The following MYO3A variants were observed in gnomAD, a reference collection of about 807,000 sequenced individuals.
MYO3A encodes myosin-IIIa.
Under a neutral mutation model 192.7 loss-of-function variants are expected in MYO3A, and 180 were observed. That is an observed-to-expected ratio of 0.93 (90% CI 0.83 to 1.06). The LOEUF is 1.06. Among genes scored for constraint, MYO3A ranks in the 50% least tolerant of loss-of-function variants. The probability of loss-of-function intolerance (pLI) is 0.00; values close to 1 mark genes in which losing one functional copy is unlikely to be tolerated. For missense variants in MYO3A, 1,896 were observed against 1,905.0 expected (o/e 1.00, Z 0.09); for synonymous variants, 628 against 645.3 (o/e 0.97, Z 0.41).
intron 6 of MYO3A, among the ~76,000 whole-genome samples, chr10:26,015,531 G>C (rs1387869769): frequency 6.6e-6 from 1 of 152,114 alleles, no homozygotes; most frequent in Non-Finnish European, 1.5e-5. Flanking sequence ...TTTGTCCTCA[G>C]AAGAGTGACT....
At chr10:26,056,831 C>T (rs981111298) in intron 10 of MYO3A, among the ~76,000 whole-genome samples, 4 of 152,138 alleles carry the variant, frequency 2.6e-5, no homozygotes, top group Non-Finnish European at 5.9e-5. Context: ...ACTACATCAC[C>T]AAATTATATC....
At chr10:25,996,380 T>G in intron 4 of MYO3A, 110 bp from the exon 5 acceptor site, 1 of 823,848 alleles carries the variant, frequency 1.2e-6, no homozygotes, top group South Asian at 1.5e-5. Flanking sequence ...GCATTAATCA[T>G]TTGAAAGAGA....
At chr10:25,957,825 T>C (rs1350693277) in intron 4 of MYO3A, among the ~76,000 whole-genome samples, 1 of 152,182 alleles carries the variant, frequency 6.6e-6, no homozygotes, top group Non-Finnish European at 1.5e-5. Context: ...GTTTTGATTT[T>C]CATATCTCTA....
At chr10:26,007,906 A>C (rs987649792) in intron 6 of MYO3A, among the ~76,000 whole-genome samples, 1 of 152,118 alleles carries the variant, frequency 6.6e-6, no homozygotes, top group South Asian at 2.1e-4. Context: ...TGGCACCAAA[A>C]AAGAGCCTGC....
At chr10:26,083,539 G>A (rs1221226331) in intron 14 of MYO3A, among the ~76,000 whole-genome samples, 1 of 152,150 alleles carries the variant, frequency 6.6e-6, no homozygotes, top group Non-Finnish European at 1.5e-5. Context: ...TTGAATGGAA[G>A]TGAAGAGAGT....
rs765720091 is a variant in MYO3A, at chr10:26,067,055, C to A, written c.1034C>A (p.Thr345Asn). 2 of 1,610,646 alleles carry A rather than the reference C, an allele frequency of 1.2e-6. No homozygotes were observed. Among genetic ancestry groups the A allele is most frequent in the Non-Finnish European group, 1.7e-6 (2 of 1,176,972 alleles). Reference protein sequence around the residue: ...SNLKDVDDLATLEILDENTVS... With the variant: ...SNLKDVDDLANLEILDENTVS... ...CTGAAGGATGTAGATGATTTAGCAA[C>A]CCTAGAAATTTTGGATGAGGTAAGA... The change falls in exon 11 of 35, where the codon ACC becomes AAC. Residue 345 changes from threonine (T) to asparagine (N), a missense_variant. By Grantham distance (65) the Thr-to-Asn change is moderately conservative (BLOSUM62 0). Transcript: ENST00000642920.
intron 20 of MYO3A, among the ~76,000 whole-genome samples, chr10:26,130,741 A>G (rs1437137895): frequency 6.6e-6 from 1 of 152,246 alleles, no homozygotes; most frequent in Non-Finnish European, 1.5e-5. Context: ...TGTGTTATCC[A>G]GAAGATACAG....
At chr10:25,964,575 A>G (rs1261993908) in intron 4 of MYO3A, among the ~76,000 whole-genome samples, 1 of 152,040 alleles carries the variant, frequency 6.6e-6, no homozygotes, top group Non-Finnish European at 1.5e-5. Flanking sequence ...TGTTGCAGTT[A>G]TTATTTTTGA....
chr10:25,952,871 A>G (rs1427246309), intron 3 of MYO3A, among the ~76,000 whole-genome samples: 1 of 139,784 alleles, frequency 7.2e-6, no homozygotes, highest in East Asian at 2.0e-4. Flanking sequence ...TGGGGGCCCC[A>G]TTTGCTTTTT....
At chr10:26,045,715 A>G (rs2131253351) in intron 10 of MYO3A, among the ~76,000 whole-genome samples, 1 of 152,224 alleles carries the variant, frequency 6.6e-6, no homozygotes, top group East Asian at 1.9e-4. Context: ...TTGCTCCCCA[A>G]GCAGGCCACA....
At chr10:25,973,603 A>G (rs951516325) in intron 4 of MYO3A, among the ~76,000 whole-genome samples, 5 of 152,050 alleles carry the variant, frequency 3.3e-5, no homozygotes, top group African/African-American at 1.2e-4. Flanking sequence ...TCAGTATTTT[A>G]TTGGATATGG....
At chr10:26,035,304 A>G (rs893362627) in intron 10 of MYO3A, among the ~76,000 whole-genome samples, 1 of 152,240 alleles carries the variant, frequency 6.6e-6, no homozygotes, top group Non-Finnish European at 1.5e-5. Flanking sequence ...GAATTTTAAA[A>G]GGAATAGGCA....
At chr10:26,112,144 ATTAT>A (rs1564560954) in intron 17 of MYO3A, among the ~76,000 whole-genome samples, 2 of 152,232 alleles carry the variant, frequency 1.3e-5, no homozygotes, top group African/African-American at 4.8e-5. Flanking sequence ...GACAAATATA[ATTAT>A]TTATTTCAAA....
intron 4 of MYO3A, among the ~76,000 whole-genome samples, chr10:25,976,553 G>T (rs1838976852): frequency 6.6e-6 from 1 of 152,154 alleles, no homozygotes; most frequent in African/African-American, 2.4e-5. Context: ...AACAAAGGCT[G>T]TCTTTGGAAG....
chr10:25,971,059 T>C (rs1465627002), intron 4 of MYO3A, among the ~76,000 whole-genome samples: 1 of 152,152 alleles, frequency 6.6e-6, no homozygotes, highest in Non-Finnish European at 1.5e-5. Flanking sequence ...ATTTTCATTC[T>C]GTATTGTTAT....
At chr10:26,003,048 A>G (rs967092808) in intron 6 of MYO3A, among the ~76,000 whole-genome samples, 4 of 152,320 alleles carry the variant, frequency 2.6e-5, no homozygotes, top group South Asian at 2.1e-4. Flanking sequence ...AAGACTTGCC[A>G]TATAATTATG....
At chr10:26,134,808 T>A (rs905561354) in intron 20 of MYO3A, among the ~76,000 whole-genome samples, 1 of 152,202 alleles carries the variant, frequency 6.6e-6, no homozygotes, top group Admixed American at 6.5e-5. Flanking sequence ...TGTCAATGGT[T>A]AGAATAAGCA....
In MYO3A at chr10:26,173,888, G is replaced by A. The variant is rs754340870; in HGVS notation, c.3624G>A (p.Gly1208=). 20 of 1,613,842 alleles carry A rather than the reference G, an allele frequency of 1.2e-5. No individual in the cohort carries two copies. The highest frequency in any genetic ancestry group is 1.6e-5 in the Non-Finnish European group (19 of 1,180,020). ...TTAAGCAAGAATTCTACCTTGTAGG[G>A]CCAGAAGTAAGCCCCAAACAGAAGT... The part of the protein sequence containing the change: ...EEVKQEFYLV[G]PEVSPKQKSV... The change falls in exon 30 of 35, where the codon GGG becomes GGA. Residue 1208 remains glycine (G), a synonymous_variant. Transcript: ENST00000642920.
chr10:26,072,886 C>CTAT (rs1835299004), intron 14 of MYO3A, among the ~76,000 whole-genome samples: 1 of 152,046 alleles, frequency 6.6e-6, no homozygotes, highest in African/African-American at 2.4e-5. Flanking sequence ...AAATGAAAAC[C>CTAT]TATACAGAAA....
Sources: allele counts gnomAD v4.1 joint callset (sites outside exome capture counted in the v4.1 genomes callset), GRCh38; gene constraint gnomAD v4.1.1; transcripts MANE v1.5; gene names NCBI Gene and HGNC (gene_info 2026-07-23, HGNC 2026-07-21).